Variants in RIDA observed in about 807,000 individuals in gnomAD.
RIDA encodes the protein reactive intermediate imine deaminase A.
RIDA carries 17 observed loss-of-function variants against 17.8 expected under a neutral mutation model. The observed-to-expected ratio is 0.96, with a 90% CI of 0.65 to 1.43. RIDA has a LOEUF of 1.43. RIDA is among the 40% of genes most tolerant of loss of function. RIDA has a pLI of 0.00. For synonymous variants in RIDA, 48 were observed against 55.7 expected (o/e 0.86, Z 0.62); for missense variants, 158 against 161.7 (o/e 0.98, Z 0.12).
chr8:98,116,669 A>G (rs1245599284), intron 1 of RIDA, among the ~76,000 whole-genome samples: 1 of 146,958 alleles, frequency 6.8e-6, no homozygotes, highest in Non-Finnish European at 1.5e-5. Flanking sequence ...TGAATTGTAC[A>G]TGTTAAAGGG....
At chr8:98,104,862 C>T (rs1258533802) in intron 4 of RIDA, among the ~76,000 whole-genome samples, 1 of 151,962 alleles carries the variant, frequency 6.6e-6, no homozygotes, top group African/African-American at 2.4e-5. Flanking sequence ...AGGTGTGCAC[C>T]ACCATGCCTG....
chr8:98,108,609 GT>G (rs1407879287), intron 2 of RIDA, 36 bp downstream of exon 2: 1 of 1,265,870 alleles, frequency 7.9e-7, no homozygotes, highest in East Asian at 2.3e-5. Flanking sequence ...TAAAAAGGTA[GT>G]AGAAAAGGGA....
At chr8:98,107,705 C>A (rs1815651036) in intron 2 of RIDA, among the ~76,000 whole-genome samples, 1 of 151,962 alleles carries the variant, frequency 6.6e-6, no homozygotes, top group African/African-American at 2.4e-5. Flanking sequence ...TTAAGCGATT[C>A]TTCTGCATCA....
At chr8:98,106,923 C>G (rs981319084) in intron 2 of RIDA, among the ~76,000 whole-genome samples, 3 of 152,100 alleles carry the variant, frequency 2.0e-5, no homozygotes, top group African/African-American at 7.2e-5. Flanking sequence ...AACTCAAAAG[C>G]TATTAAAAAA....
chr8:98,106,473 G>A (rs193170655), intron 2 of RIDA, 147 bp from the exon 3 acceptor site: 190 of 641,360 alleles, frequency 3.0e-4, no homozygotes, highest in Non-Finnish European at 4.7e-4. Flanking sequence ...TGTGTTTCTT[G>A]GCTTTCCTTT....
intron 5 of RIDA, among the ~76,000 whole-genome samples, chr8:98,103,643 T>G (rs889996472): frequency 6.7e-6 from 1 of 149,460 alleles, no homozygotes; most frequent in South Asian, 2.1e-4. Context: ...TTCTCACAAT[T>G]TTTTTTTTTT....
At chr8:98,116,378 G>A (rs1815825366) in intron 1 of RIDA, among the ~76,000 whole-genome samples, 1 of 152,186 alleles carries the variant, frequency 6.6e-6, no homozygotes, top group African/African-American at 2.4e-5. Context: ...GTTTAAAGGA[G>A]GGAGCTGTTG....
chr8:98,105,888 ATTTC>A lies in RIDA; in HGVS notation c.295+46_295+49del, dbSNP rs779900612. ...AATGCACATTCATTAATGTGACCAG[ATTTC>A]TTTCTTTTTAAAAATGGAAAATAGG... On this transcript the variant is annotated intron_variant, in intron 4 of 5. Transcript: ENST00000254878. 47 of 1,135,340 alleles carry A rather than the reference ATTTC, an allele frequency of 4.1e-5. No individual in the cohort carries two copies. The African/African-American group carries it at 4.6e-4, about 11-fold the overall frequency. The allele number at this position is 1,135,340 out of a possible 1,614,324, so 70.3% of individuals were successfully genotyped here.
In RIDA at chr8:98,108,735, C is replaced by T. The variant is rs549702892; in HGVS notation, c.82G>A (p.Asp28Asn). Residue 28 changes from aspartate (D) to asparagine (N), a missense_variant, in exon 2 of 6, where the codon GAC becomes AAC. By Grantham distance (23) the Asp-to-Asn change is conservative. Transcript: ENST00000254878. ...TGTCCTGAAATGTAAATGGTCCTGT[C>T]GACTAATACAGCTTGACTGCAATAA... ...IGPYSQAVLV[D>N]RTIYISGQIG... The T allele has an allele frequency of 2.0e-5, 33 of 1,609,780 alleles. No homozygotes were observed. In the East Asian group the frequency reaches 5.8e-4, roughly 28 times the overall value.
chr8:98,108,041 A>G (rs1815658452), intron 2 of RIDA, among the ~76,000 whole-genome samples: 2 of 151,990 alleles, frequency 1.3e-5, no homozygotes, highest in South Asian at 4.2e-4. Context: ...AAGTGCTGGG[A>G]TTACAGGTGT....
At chr8:98,107,239 G>C (rs866161601) in intron 2 of RIDA, among the ~76,000 whole-genome samples, 2 of 152,142 alleles carry the variant, frequency 1.3e-5, no homozygotes, top group Non-Finnish European at 2.9e-5. Flanking sequence ...AAATCTTTCA[G>C]CTAGGCCGGG....
At chr8:98,104,699 A>G (rs1415851152) in intron 4 of RIDA, among the ~76,000 whole-genome samples, 155 bp from the exon 5 acceptor site, 1 of 152,118 alleles carries the variant, frequency 6.6e-6, no homozygotes, top group Non-Finnish European at 1.5e-5. Context: ...CAGTTCTTAG[A>G]TATAAGCAAC....
rs1053994583 is a variant in RIDA at position 98,106,098 on chromosome 8, T to C, written c.227-92A>G. The C allele has an allele frequency of 3.5e-6, 4 of 1,139,988 alleles. No individual in the cohort carries two copies. The African/African-American group carries it at 6.1e-5, about 17-fold the overall frequency. The allele number at this position is 1,139,988 out of a possible 1,614,324, so 70.6% of individuals were successfully genotyped here. On this transcript the variant is annotated intron_variant, in intron 3 of 5. Coordinates refer to ENST00000254878, the MANE Select transcript of RIDA (RefSeq NM_005836.3). ...AGAGTGTATGAATCTGAGACTGTCTTGATTAAAATGGGACTGAAATGGGAC... is the reference window on the plus strand; with the variant it reads ...AGAGTGTATGAATCTGAGACTGTCTCGATTAAAATGGGACTGAAATGGGAC...
At chr8:98,105,825 G>T in intron 4 of RIDA, 113 bp downstream of exon 4, 1 of 659,400 alleles carries the variant, frequency 1.5e-6, no homozygotes, top group South Asian at 1.8e-5. Flanking sequence ...TAAGATCTAT[G>T]ACCATTTCTT....
rs562855738 is a variant in RIDA, at chr8:98,109,120, G to T, written c.66-369C>A. On this transcript the variant is annotated intron_variant, in intron 1 of 5. Coordinates refer to ENST00000254878, the MANE Select transcript of RIDA (RefSeq NM_005836.3). ...AGGGTGATTGAATTGCTTGAGCCCAGGAGTTGAAGGCTGAAGTGAGCCATG... is the reference window on the plus strand; with the variant it reads ...AGGGTGATTGAATTGCTTGAGCCCATGAGTTGAAGGCTGAAGTGAGCCATG... Among the ~76,000 whole-genome samples the T allele has an allele frequency of 8.5e-5, 13 of 152,238 alleles. No individual in the cohort carries two copies. The South Asian group carries it at 1.9e-3, about 22-fold the overall frequency.
At position 98,112,195 on chromosome 8, in the gene RIDA, AACACACACAC is replaced by A. The variant is rs56178607; in HGVS notation, c.66-3454_66-3445del. Among the ~76,000 whole-genome samples the A allele has an allele frequency of 4.7e-5, 7 of 147,958 alleles. No individual in the cohort carries two copies. In the East Asian group the frequency reaches 7.9e-4, roughly 17 times the overall value. ...TGTTATCATAAATAAAACTATACTA[AACACACACAC>A]ACACACACACACACACACTTTCTCT... On this transcript the variant is annotated intron_variant, in intron 1 of 5. Coordinates refer to ENST00000254878, the MANE Select transcript of RIDA (RefSeq NM_005836.3).
At chr8:98,104,405 T>G in intron 5 of RIDA, 84 bp downstream of exon 5, 1 of 926,436 alleles carries the variant, frequency 1.1e-6, no homozygotes, top group Non-Finnish European at 1.8e-6. Flanking sequence ...TTAAGTTTCC[T>G]TTCACAGTGC....
chr8:98,106,061 T>G (rs1442865339), intron 3 of RIDA, 55 bp from the exon 4 acceptor site: 3 of 1,309,022 alleles, frequency 2.3e-6, no homozygotes, highest in African/African-American at 1.5e-5. Context: ...ACCCAAAACA[T>G]TACTTAGAAA....
Position 98,108,768 on chromosome 8 carries a change from G to A in RIDA, c.66-17C>T. The A allele has an allele frequency of 6.7e-7, 1 of 1,488,400 alleles. No individual in the cohort carries two copies. Among genetic ancestry groups the A allele is most frequent in the Non-Finnish European group, 9.4e-7 (1 of 1,066,066 alleles). 92.2% of individuals were successfully genotyped at this position (1,488,400 alleles called of 1,614,324 possible). A position where few individuals can be genotyped will look rare whatever the true frequency, so the allele number is the denominator to read the frequency against. On this transcript the variant is annotated splice_polypyrimidine_tract_variant and intron_variant, in intron 1 of 5. Transcript: ENST00000254878. ...ACAGCTTGACTGCAATAAACAGAAA[G>A]CTAGTGTATTTATGTAAGTATAAAA...
Sources: gnomAD v4.1 joint callset for allele counts (sites outside exome capture counted in the v4.1 genomes callset) on GRCh38, gnomAD v4.1.1 for gene constraint, MANE v1.5 for transcripts, NCBI Gene and HGNC (gene_info 2026-07-23, HGNC 2026-07-21) for gene names.